The following SLC25A26 variants were observed in gnomAD, a reference collection of about 807,000 sequenced individuals.
SLC25A26 encodes mitochondrial S-adenosylmethionine carrier protein.
A neutral mutation model predicts 37.8 loss-of-function variants in SLC25A26; 36 were observed. The observed-to-expected ratio is 0.95, with a 90% confidence interval of 0.73 to 1.26. The LOEUF (loss-of-function observed/expected upper bound fraction) is 1.26, where lower values mean the gene tolerates loss of function less well. SLC25A26 is among the 50% of genes most tolerant of loss of function. The pLI, the probability that SLC25A26 is intolerant of heterozygous loss-of-function variation, is 0.00. For missense variants in SLC25A26, 390 were observed against 331.1 expected (o/e 1.18, Z -1.38); for synonymous variants, 129 against 122.5 (o/e 1.05, Z -0.35).
rs144010762 is a variant in SLC25A26 at position 66,271,721 on chromosome 3, A to G, written c.453+8342A>G. 2.9e-3 allele frequency among the ~76,000 whole-genome samples: 442 copies of G among 152,148 alleles called. 2 individuals carry two copies. Among genetic ancestry groups the G allele is most frequent in the African/African-American group, 9.8e-3 (409 of 41,526 alleles). On this transcript the variant is annotated intron_variant, in intron 5 of 9. Coordinates refer to ENST00000354883, the MANE Select transcript of SLC25A26 (RefSeq NM_001379210.1). ...CTGTCCCTTCAAACCCTTCCAGCTA[A>G]AGTTTCATCTCTTCAGAAAGAAGAC...
chr3:66,137,860 G>A (rs2069970437), intron 1 of SLC25A26, among the ~76,000 whole-genome samples: 1 of 151,944 alleles, frequency 6.6e-6, no homozygotes, highest in South Asian at 2.1e-4. Context: ...TTTTGAGACA[G>A]TGTCGCTCTG....
upstream of SLC25A26, chr3:66,220,772 T>C: frequency 2.2e-6 from 1 of 453,768 alleles, no homozygotes; most frequent in Non-Finnish European, 3.9e-6. Context: ...ATTCTACCGC[T>C]GCTCTCTCCT....
At chr3:66,196,992 A>T (rs2071052895) in intron 1 of SLC25A26, among the ~76,000 whole-genome samples, 2 of 152,214 alleles carry the variant, frequency 1.3e-5, no homozygotes, top group Non-Finnish European at 2.9e-5. Context: ...AATAAGGGTC[A>T]GTTAAAATAT....
At chr3:66,141,907 G>A (rs1244627925) in intron 1 of SLC25A26, among the ~76,000 whole-genome samples, 2 of 152,214 alleles carry the variant, frequency 1.3e-5, no homozygotes, top group Non-Finnish European at 2.9e-5. Context: ...TTTAGTCATG[G>A]CAGAGAGTTC....
chr3:66,332,005 C>T (rs1343247322), intron 5 of SLC25A26, among the ~76,000 whole-genome samples: 4 of 139,380 alleles, frequency 2.9e-5, no homozygotes, highest in African/African-American at 1.4e-4. Flanking sequence ...GATCTTGGCT[C>T]GCTGCATCCC....
chr3:66,243,059 G>A, intron 2 of SLC25A26, 144 bp from the exon 3 acceptor site: 1 of 533,656 alleles, frequency 1.9e-6, no homozygotes, highest in Non-Finnish European at 3.3e-6. Flanking sequence ...AAGAGTGGGG[G>A]TAGGAAGAAA....
intron 1 of SLC25A26, among the ~76,000 whole-genome samples, chr3:66,173,660 T>C (rs1051334929): frequency 2.6e-5 from 4 of 152,344 alleles, no homozygotes; most frequent in South Asian, 4.1e-4. Context: ...AAGAACATAA[T>C]TGCCTTTGGT....
chr3:66,246,832 G>A (rs773369606), intron 3 of SLC25A26, among the ~76,000 whole-genome samples: 1 of 152,104 alleles, frequency 6.6e-6, no homozygotes, highest in South Asian at 2.1e-4. Flanking sequence ...ACTGGTGTGC[G>A]CCACCAGGCC....
chr3:66,209,040 G>GTATATA (rs1172568131), intron 1 of SLC25A26, among the ~76,000 whole-genome samples: 171 of 33,472 alleles, frequency 5.1e-3, no homozygotes, highest in African/African-American at 0.015. Flanking sequence ...ATATAAAGGT[G>GTATATA]TATATATATA....
In SLC25A26 at chr3:66,377,896, C is replaced by A; in HGVS notation, c.*89C>A. 1 of 993,284 alleles carries A rather than the reference C, an allele frequency of 1.0e-6. No individual in the cohort carries two copies. Among genetic ancestry groups the A allele is most frequent in the Non-Finnish European group, 1.6e-6 (1 of 634,866 alleles). The allele number at this position is 993,284 out of a possible 1,614,324, so 61.5% of individuals were successfully genotyped here. The stretch of plus-strand genomic sequence containing the variant: ...GCTGAGCAGCTGTCTGAACTATAGG[C>A]CCCAGTGCTGAAGACCAGTTGTGCT... On this transcript the variant is annotated 3_prime_UTR_variant, in exon 10 of 10. Transcript: ENST00000354883.
At chr3:66,192,317 CAAAAAA>C (rs1229602690) in intron 1 of SLC25A26, among the ~76,000 whole-genome samples, 1 of 111,218 alleles carries the variant, frequency 9.0e-6, no homozygotes, top group African/African-American at 3.6e-5. Context: ...CTCCATGTCA[CAAAAAA>C]AAAAAAAAAA....
At chr3:66,361,827 C>T (rs770687571) in intron 6 of SLC25A26, among the ~76,000 whole-genome samples, 7 of 151,934 alleles carry the variant, frequency 4.6e-5, no homozygotes, top group Non-Finnish European at 7.4e-5. Context: ...ATTAGCCGGG[C>T]GTGTTGGCAG....
intron 1 of SLC25A26, among the ~76,000 whole-genome samples, chr3:66,162,945 C>T (rs747216468): frequency 5.3e-4 from 81 of 152,158 alleles, no homozygotes; most frequent in Non-Finnish European, 9.8e-4. Flanking sequence ...GGCCACAGAG[C>T]GAGCAAAGGG....
intron 5 of SLC25A26, among the ~76,000 whole-genome samples, chr3:66,322,270 T>G (rs1295552228): frequency 2.0e-5 from 3 of 152,248 alleles, no homozygotes; most frequent in Non-Finnish European, 4.4e-5. Flanking sequence ...CTTTAGATTT[T>G]TAAAATATAG....
At chr3:66,298,548 A>T (rs1189482316) in intron 5 of SLC25A26, among the ~76,000 whole-genome samples, 1 of 152,238 alleles carries the variant, frequency 6.6e-6, no homozygotes. Context: ...TTACATTAAG[A>T]ATTAATTTGC....
intron 1 of SLC25A26, among the ~76,000 whole-genome samples, chr3:66,191,925 G>GTC (rs2070950143): frequency 6.6e-6 from 1 of 150,838 alleles, no homozygotes; most frequent in African/African-American, 2.5e-5. Context: ...AAAAAAAAAA[G>GTC]TTAAAATTCT....
At chr3:66,159,977 G>A (rs192570929) in intron 1 of SLC25A26, among the ~76,000 whole-genome samples, 79 of 152,140 alleles carry the variant, frequency 5.2e-4, no homozygotes, top group African/African-American at 1.8e-3. Flanking sequence ...AAAGACCTGC[G>A]CTGCATTAAT....
In SLC25A26 at chr3:66,199,730, A is replaced by G. The variant is rs960368627; in HGVS notation, c.-353-21012A>G. ...AATTGAAGCTTACTCTCACCATGAT[A>G]TTGATCCTGACCCCCAGCTGCACCC... is the stretch of plus-strand genomic sequence containing the variant. On this transcript the variant is annotated intron_variant, in intron 1 of 10. Transcript: ENST00000676754. 1.1e-3 allele frequency among the ~76,000 whole-genome samples: 168 copies of G among 151,984 alleles called. 5 individuals are homozygous for G. The highest frequency in any genetic ancestry group is 3.7e-3 in the African/African-American group (154 of 41,452).
intron 5 of SLC25A26, among the ~76,000 whole-genome samples, chr3:66,337,535 T>C (rs566445805): frequency 2.0e-5 from 3 of 152,180 alleles, no homozygotes; most frequent in African/African-American, 7.2e-5. Flanking sequence ...AGATATTGTT[T>C]AGGGGGAAAA....
Sources: gnomAD v4.1 joint callset for allele counts (sites outside exome capture counted in the v4.1 genomes callset) on GRCh38, gnomAD v4.1.1 for gene constraint, MANE v1.5 for transcripts, NCBI Gene and HGNC (gene_info 2026-07-23, HGNC 2026-07-21) for gene names.